GPAM: variants seen among roughly 807,000 people sequenced by gnomAD.
GPAM encodes glycerol-3-phosphate acyltransferase, mitochondrial.
GPAM carries 56 observed loss-of-function variants against 105.0 expected under a neutral mutation model. The ratio of observed to expected loss-of-function variants is 0.53; its 90% CI spans 0.43 to 0.67. The LOEUF is 0.67. Ranked by LOEUF, GPAM falls within the 30% of genes least tolerant of loss-of-function variation. The pLI is 0.00. For missense variants in GPAM, 855 were observed against 989.8 expected (o/e 0.86, Z 1.83); for synonymous variants, 368 against 354.4 (o/e 1.04, Z -0.43).
At chr10:112,200,227 G>A (rs7101073) in intron 1 of GPAM, among the ~76,000 whole-genome samples, 41 of 84,908 alleles carry the variant, frequency 4.8e-4, no homozygotes, top group Middle Eastern at 6.9e-3. Flanking sequence ...CACACTATAT[G>A]TATATATATA....
At chr10:112,184,596 A>C (rs115669866), upstream of GPAM, among the ~76,000 whole-genome samples, 919 of 152,356 alleles carry the variant, frequency 6.0e-3, 7 homozygotes, top group African/African-American at 0.021. Context: ...AAAAACAAAA[A>C]CAAACAGGCA....
chr10:112,200,816 A>T (rs1847789091), intron 1 of GPAM, among the ~76,000 whole-genome samples: 1 of 152,204 alleles, frequency 6.6e-6, no homozygotes, highest in Admixed American at 6.5e-5. Context: ...CTGTGTAGCT[A>T]TTATTAGCAA....
intron 9 of GPAM, among the ~76,000 whole-genome samples, chr10:112,170,338 G>T (rs371523163): frequency 1.3e-5 from 2 of 152,316 alleles, no homozygotes; most frequent in South Asian, 4.1e-4. Flanking sequence ...TGAATGGGTA[G>T]ACTGTCATGT....
intron 3 of GPAM, 27 bp downstream of exon 3, chr10:112,181,656 T>C (rs778503368): frequency 8.2e-7 from 1 of 1,221,490 alleles, no homozygotes; most frequent in Non-Finnish European, 1.2e-6. Context: ...TTAGGCTGAG[T>C]GCTTTTAACT....
In GPAM at chr10:112,160,786, G is replaced by A; in HGVS notation, c.1577C>T (p.Ser526Leu). Residue 526 changes from serine (S) to leucine (L), a missense_variant, in exon 16 of 22, where the codon TCA (serine) becomes TTA (leucine). By Grantham distance (145) the Ser-to-Leu change is moderately radical (BLOSUM62 -2). Coordinates refer to ENST00000348367, the MANE Select transcript of GPAM (RefSeq NM_001244949.2). ...VLARDFDLGF[S>L]GNSEDVVMHA... Reference sequence around the variant, plus strand: ...CATTACTACATCTTCTGAATTTCCTGAGAACCCCAGGTCAAAATCACGAGC... The same window carrying A: ...CATTACTACATCTTCTGAATTTCCTAAGAACCCCAGGTCAAAATCACGAGC... 6.2e-7 allele frequency: 1 copy of A among 1,613,966 alleles called. No homozygotes were observed. Among genetic ancestry groups the A allele is most frequent in the Non-Finnish European group, 8.5e-7 (1 of 1,179,878 alleles).
At chr10:112,206,928 G>A (rs1847858506) in intron 1 of GPAM, among the ~76,000 whole-genome samples, 1 of 151,302 alleles carries the variant, frequency 6.6e-6, no homozygotes, top group African/African-American at 2.4e-5. Flanking sequence ...CTCTCATTCA[G>A]ATTTCCATGA....
chr10:112,166,335 G>T, intron 12 of GPAM, 67 bp downstream of exon 12: 1 of 843,886 alleles, frequency 1.2e-6, no homozygotes, highest in Non-Finnish European at 2.1e-6. Flanking sequence ...GCTGTTAAGA[G>T]TCAGCACTGG....
upstream of GPAM, among the ~76,000 whole-genome samples, chr10:112,219,013 C>T (rs1386236306): frequency 6.6e-6 from 1 of 152,192 alleles, no homozygotes; most frequent in Admixed American, 6.5e-5. Context: ...CCTCCTATCT[C>T]GTTCTGTGGC....
At chr10:112,169,090 C>G in intron 9 of GPAM, 138 bp from the exon 10 acceptor site, 1 of 640,246 alleles carries the variant, frequency 1.6e-6, no homozygotes, top group Non-Finnish European at 2.8e-6. Context: ...AAAATGCAGG[C>G]ATTTTTTTCA....
At chr10:112,208,174 A>G (rs1847872136) in intron 1 of GPAM, among the ~76,000 whole-genome samples, 1 of 152,178 alleles carries the variant, frequency 6.6e-6, no homozygotes. Flanking sequence ...AAGCACGTGG[A>G]TAGAGAACCC....
At chr10:112,200,227 GTA>G (rs66664923) in intron 1 of GPAM, among the ~76,000 whole-genome samples, 8,409 of 84,854 alleles carry the variant, frequency 0.099, 627 homozygotes, top group African/African-American at 0.24. Flanking sequence ...CACACTATAT[GTA>G]TATATATATA....
intron 1 of GPAM, among the ~76,000 whole-genome samples, chr10:112,196,616 TG>T (rs1847727560): frequency 6.6e-6 from 1 of 152,248 alleles, no homozygotes; most frequent in Admixed American, 6.5e-5. Flanking sequence ...ATAGCAGGAT[TG>T]GTTATGGTTT....
chr10:112,151,360 A>G lies in GPAM; in HGVS notation c.*2190T>C, dbSNP rs1217555939. On this transcript the variant is annotated 3_prime_UTR_variant, in exon 22 of 22. Coordinates refer to ENST00000348367, the MANE Select transcript of GPAM (RefSeq NM_001244949.2). ...TTTGTTTTCAGTCATGAGGCACTGA[A>G]GAATGAGTTGTGCTGAAATTAACTC... is the stretch of plus-strand genomic sequence containing the variant. 1.0e-6 allele frequency: 1 copy of G among 985,886 alleles called. No individual in the cohort carries two copies. 61.1% of individuals were successfully genotyped at this position (985,886 alleles called of 1,614,324 possible).
In GPAM at chr10:112,152,499, T is replaced by C. The variant is rs140409361; in HGVS notation, c.*1051A>G. ...CCACCACATGCATATACTGGACAGG[T>C]TGTGCACGGCACAACTCGAGTGGGT... On this transcript the variant is annotated 3_prime_UTR_variant, in exon 22 of 22. Coordinates refer to ENST00000348367, the MANE Select transcript of GPAM (RefSeq NM_001244949.2). The C allele has an allele frequency of 8.7e-4, 858 of 984,748 alleles. 6 individuals carry two copies. The South Asian group carries it at 0.011, about 12-fold the overall frequency. 61.0% of individuals were successfully genotyped at this position (984,748 alleles called of 1,614,324 possible).
chr10:112,152,642 GA>G lies in GPAM; in HGVS notation c.*907del. ...TGTCAGCTCAAGCTAATCAAGTTAG[GA>G]AAACTGCTATTTGGTTGGAGGATTT... On this transcript the variant is annotated 3_prime_UTR_variant, in exon 22 of 22. Transcript: ENST00000348367. The G allele has an allele frequency of 1.0e-6, 1 of 985,380 alleles. No individual in the cohort carries two copies. The highest frequency in any genetic ancestry group is 1.7e-5 in the African/African-American group (1 of 57,366). The allele number at this position is 985,380 out of a possible 1,614,324, so 61.0% of individuals were successfully genotyped here.
At chr10:112,171,332 A>C (rs1847309181) in intron 9 of GPAM, among the ~76,000 whole-genome samples, 1 of 152,130 alleles carries the variant, frequency 6.6e-6, no homozygotes, top group Non-Finnish European at 1.5e-5. Context: ...TTTTAAATCT[A>C]TGCCCTCCTG....
chr10:112,218,746 G>A (rs1847994319), upstream of GPAM, among the ~76,000 whole-genome samples: 1 of 152,228 alleles, frequency 6.6e-6, no homozygotes, highest in Non-Finnish European at 1.5e-5. Flanking sequence ...AAAGGTGTGA[G>A]GAGTTCCCGG....
At chr10:112,213,956 G>A (rs1390399868) in intron 1 of GPAM, among the ~76,000 whole-genome samples, 1 of 152,168 alleles carries the variant, frequency 6.6e-6, no homozygotes, top group East Asian at 1.9e-4. Flanking sequence ...TCCACCTCTT[G>A]GCAGTTTCCA....
intron 6 of GPAM, among the ~76,000 whole-genome samples, chr10:112,174,333 A>G (rs1002421863): frequency 6.6e-6 from 1 of 152,208 alleles, no homozygotes; most frequent in African/African-American, 2.4e-5. Context: ...ATGGTCATAA[A>G]TATTTACAAA....
Sources: allele counts gnomAD v4.1 joint callset (sites outside exome capture counted in the v4.1 genomes callset), GRCh38; gene constraint gnomAD v4.1.1; transcripts MANE v1.5; gene names NCBI Gene and HGNC (gene_info 2026-07-23, HGNC 2026-07-21).